SPHKAP: variants seen among roughly 807,000 people sequenced by gnomAD.
The protein encoded by SPHKAP is A-kinase anchor protein SPHKAP.
In SPHKAP, 67 loss-of-function variants were observed where a neutral mutation model predicts 137.5. That is an observed-to-expected ratio of 0.49 (90% CI 0.40 to 0.60). The LOEUF (loss-of-function observed/expected upper bound fraction) is 0.60. Among genes scored for constraint, SPHKAP ranks in the 20% least tolerant of loss-of-function variants. The pLI, the probability that SPHKAP is intolerant of heterozygous loss-of-function variation, is 0.00. For synonymous variants in SPHKAP, 813 were observed against 785.3 expected (o/e 1.04, Z -0.59); for missense variants, 2,097 against 2,069.3 (o/e 1.01, Z -0.26).
intron 1 of SPHKAP, among the ~76,000 whole-genome samples, chr2:228,143,517 T>C (rs1699669812): frequency 2.0e-5 from 3 of 151,914 alleles, no homozygotes; most frequent in Admixed American, 2.0e-4. Context: ...ATTTTTGAGA[T>C]GGGGGTCTCA....
chr2:228,013,200 C>A (rs997156946), intron 7 of SPHKAP, among the ~76,000 whole-genome samples: 2 of 152,192 alleles, frequency 1.3e-5, no homozygotes, highest in East Asian at 3.8e-4. Context: ...TTCCCTCTAG[C>A]AAATCCTGGA....
At chr2:228,006,164 C>G (rs1318003936) in intron 7 of SPHKAP, among the ~76,000 whole-genome samples, 2 of 152,184 alleles carry the variant, frequency 1.3e-5, no homozygotes, top group African/African-American at 4.8e-5. Context: ...CTCCCCATCA[C>G]TTTCAGGTAC....
intron 2 of SPHKAP, among the ~76,000 whole-genome samples, chr2:228,116,024 C>T (rs1698699221): frequency 6.6e-6 from 1 of 152,128 alleles, no homozygotes; most frequent in South Asian, 2.1e-4. Context: ...GGAGAATGAG[C>T]CTTCATCAGA....
chr2:228,027,837 G>A (rs1034512959), intron 3 of SPHKAP: 25 of 195,074 alleles, frequency 1.3e-4, no homozygotes, highest in East Asian at 5.6e-4. Flanking sequence ...GTGTTGGCAC[G>A]CGCCTGTAGT....
At chr2:228,050,793 C>T (rs1696226799) in intron 3 of SPHKAP, among the ~76,000 whole-genome samples, 1 of 151,800 alleles carries the variant, frequency 6.6e-6, no homozygotes, top group African/African-American at 2.4e-5. Context: ...TTTTATATTC[C>T]CCCACTCCAC....
chr2:228,040,689 G>A (rs1695803095), intron 3 of SPHKAP, among the ~76,000 whole-genome samples: 1 of 151,888 alleles, frequency 6.6e-6, no homozygotes, highest in African/African-American at 2.4e-5. Flanking sequence ...AAATACTAGA[G>A]ATCTTTTAAC....
At chr2:228,014,118 A>G (rs1035890866) in intron 7 of SPHKAP, among the ~76,000 whole-genome samples, 23 of 152,208 alleles carry the variant, frequency 1.5e-4, no homozygotes, top group Non-Finnish European at 3.2e-4. Flanking sequence ...TATGAATTTT[A>G]TTCAACTTCA....
intron 3 of SPHKAP, among the ~76,000 whole-genome samples, chr2:228,029,161 T>C (rs1398523793): frequency 2.0e-5 from 3 of 152,242 alleles, no homozygotes; most frequent in Non-Finnish European, 4.4e-5. Context: ...TGAGGTTCTC[T>C]AATACTTTGC....
At chr2:228,160,873 C>G (rs541968894) in intron 1 of SPHKAP, among the ~76,000 whole-genome samples, 7 of 152,276 alleles carry the variant, frequency 4.6e-5, no homozygotes, top group Non-Finnish European at 8.8e-5. Flanking sequence ...GAGTTCTCTG[C>G]GCTCACAGGT....
chr2:228,134,140 G>GAGAAAGAA (rs10624942), intron 1 of SPHKAP, among the ~76,000 whole-genome samples: 2 of 144,020 alleles, frequency 1.4e-5, no homozygotes, highest in Admixed American at 1.4e-4. Context: ...GAAAGAGAAA[G>GAGAAAGAA]AGAAAGAAAG....
chr2:228,178,011 G>T (rs1434415321), intron 1 of SPHKAP, among the ~76,000 whole-genome samples: 1 of 152,128 alleles, frequency 6.6e-6, no homozygotes, highest in Non-Finnish European at 1.5e-5. Context: ...GCTTAGATAT[G>T]GCCAAGGTGA....
In SPHKAP at chr2:228,057,112, C is replaced by T. The variant is rs184185588; in HGVS notation, c.247-29569G>A. ...TCACTTCTTTCTTTAAAGTTCTCTT[C>T]TATACCACGAATGAAGAAAATGTGA... On this transcript the variant is annotated intron_variant, in intron 3 of 11. Transcript: ENST00000392056. 4.5e-3 allele frequency among the ~76,000 whole-genome samples: 680 copies of T among 152,262 alleles called. 2 individuals are homozygous for T. The highest frequency in any genetic ancestry group is 7.5e-3 in the Non-Finnish European group (509 of 68,028).
chr2:228,096,049 T>C (rs1697971547), intron 3 of SPHKAP, among the ~76,000 whole-genome samples: 1 of 152,164 alleles, frequency 6.6e-6, no homozygotes. Flanking sequence ...TTTAAAAATT[T>C]TGCATGAACA....
intron 3 of SPHKAP, among the ~76,000 whole-genome samples, chr2:228,108,586 T>G (rs748879999): frequency 2.6e-5 from 4 of 152,246 alleles, no homozygotes; most frequent in South Asian, 4.1e-4. Context: ...TTCGCAGTCA[T>G]TTTTGTAAAT....
intron 3 of SPHKAP, among the ~76,000 whole-genome samples, chr2:228,090,879 T>C (rs1697706217): frequency 6.6e-6 from 1 of 152,236 alleles, no homozygotes; most frequent in Non-Finnish European, 1.5e-5. Flanking sequence ...AGCACCATGC[T>C]TCCTATTTAG....
chr2:228,125,945 T>C (rs911767589), intron 2 of SPHKAP, among the ~76,000 whole-genome samples: 6 of 152,118 alleles, frequency 3.9e-5, no homozygotes, highest in Non-Finnish European at 8.8e-5. Context: ...CTGGGTGTCA[T>C]GGCGTCCACC....
At chr2:228,122,699 T>A (rs1455677789) in intron 2 of SPHKAP, among the ~76,000 whole-genome samples, 2 of 152,206 alleles carry the variant, frequency 1.3e-5, no homozygotes, top group Non-Finnish European at 2.9e-5. Flanking sequence ...CTGCTTTTGC[T>A]GAAGGAAGAG....
At chr2:228,164,970 G>T (rs539676927) in intron 1 of SPHKAP, among the ~76,000 whole-genome samples, 69 of 152,318 alleles carry the variant, frequency 4.5e-4, no homozygotes, top group African/African-American at 1.5e-3. Context: ...GGTACCATGA[G>T]AAGGGGGTGG....
At chr2:228,048,708 G>A (rs533532806) in intron 3 of SPHKAP, among the ~76,000 whole-genome samples, 36 of 152,118 alleles carry the variant, frequency 2.4e-4, no homozygotes, top group Non-Finnish European at 4.0e-4. Flanking sequence ...GAAGCAATGG[G>A]CTACAGCATA....
Sources: gnomAD v4.1 joint callset for allele counts (sites outside exome capture counted in the v4.1 genomes callset) on GRCh38, gnomAD v4.1.1 for gene constraint, MANE v1.5 for transcripts, NCBI Gene and HGNC (gene_info 2026-07-23, HGNC 2026-07-21) for gene names.